The following NXPE2 variants were observed in gnomAD, a reference collection of about 807,000 sequenced individuals.
NXPE2 encodes neurexophilin and PC-esterase domain family member 2, also known as NXPE family member 2.
Under a neutral mutation model 34.4 loss-of-function variants are expected in NXPE2, and 34 were observed. The observed-to-expected ratio is 0.99, with a 90% confidence interval of 0.75 to 1.31. NXPE2 has a LOEUF of 1.31. NXPE2 is among the 40% of genes most tolerant of loss of function. The pLI is 0.00. For synonymous variants in NXPE2, 235 were observed against 231.3 expected, an observed-to-expected ratio of 1.02 and a Z score of -0.15; for missense variants, 649 against 672.5, an observed-to-expected ratio of 0.97 and a Z score of 0.39.
At chr11:114,625,126 C>T in the NXPE2 span, among the ~76,000 whole-genome samples, 2 of 152,156 alleles carry the variant, frequency 1.3e-5, no homozygotes, top group African/African-American at 4.8e-5. Context: ...TGGGTAACCA[C>T]TTCTAATGAC....
chr11:114,595,458 C>T, the NXPE2 span: 1 of 152,250 alleles, frequency 6.6e-6, no homozygotes, highest in East Asian at 1.9e-4. Flanking sequence ...TTCCATCCCT[C>T]AAAATTTACC....
At chr11:114,547,112 T>C in the NXPE2 span, among the ~76,000 whole-genome samples, 8 of 152,210 alleles carry the variant, frequency 5.3e-5, no homozygotes, top group African/African-American at 1.9e-4. Context: ...GTGACCTCTT[T>C]TGAAAGAGTA....
At chr11:114,497,678 A>G in the NXPE2 span, among the ~76,000 whole-genome samples, 1 of 152,208 alleles carries the variant, frequency 6.6e-6, no homozygotes, top group South Asian at 2.1e-4. Context: ...TACAACAACA[A>G]CATTGCTTGA....
chr11:114,664,175 G>A, the NXPE2 span, among the ~76,000 whole-genome samples: 1 of 152,184 alleles, frequency 6.6e-6, no homozygotes, highest in East Asian at 1.9e-4. Context: ...ACTGCTGAAT[G>A]CTGTAATTCA....
At chr11:114,616,669 C>T in the NXPE2 span, among the ~76,000 whole-genome samples, 2 of 151,272 alleles carry the variant, frequency 1.3e-5, no homozygotes, top group South Asian at 2.1e-4. Context: ...CACTGTTACC[C>T]GTTGGATAAT....
At chr11:114,652,524 A>C in the NXPE2 span, among the ~76,000 whole-genome samples, 1 of 152,222 alleles carries the variant, frequency 6.6e-6, no homozygotes, top group African/African-American at 2.4e-5. Flanking sequence ...TTCATCTCTA[A>C]GGGCTGTTTT....
At chr11:114,578,761 T>C in the NXPE2 span, among the ~76,000 whole-genome samples, 1 of 152,166 alleles carries the variant, frequency 6.6e-6, no homozygotes, top group African/African-American at 2.4e-5. Flanking sequence ...TAAGGTCTAC[T>C]AGCAAATTCT....
chr11:114,590,133 AAGGACCTCTCTG>A, the NXPE2 span, among the ~76,000 whole-genome samples: 1 of 152,196 alleles, frequency 6.6e-6, no homozygotes, highest in Non-Finnish European at 1.5e-5. Flanking sequence ...GGCATTGTCA[AAGGACCTCTCTG>A]AGTTTTCCCA....
chr11:114,576,992 CAT>C, the NXPE2 span, among the ~76,000 whole-genome samples: 37 of 88,982 alleles, frequency 4.2e-4, no homozygotes, highest in African/African-American at 8.8e-4. Context: ...TATATATATA[CAT>C]ATATATATAT....
the NXPE2 span, among the ~76,000 whole-genome samples, chr11:114,550,855 A>C: frequency 1.3e-5 from 2 of 152,200 alleles, no homozygotes. Context: ...AGCTTTAACA[A>C]GGGCCATTTT....
the NXPE2 span, among the ~76,000 whole-genome samples, chr11:114,669,369 T>C: frequency 1.3e-5 from 2 of 152,060 alleles, no homozygotes; most frequent in East Asian, 3.9e-4. Context: ...AAAGCTCTAC[T>C]CTGGCAGGTG....
the NXPE2 span, among the ~76,000 whole-genome samples, chr11:114,805,205 TA>T: frequency 0.01 from 1,523 of 148,998 alleles, 7 homozygotes; most frequent in Non-Finnish European, 0.014. Context: ...TTTTTTTTTT[TA>T]AAAAAGGTAG....
chr11:114,540,620 C>A, the NXPE2 span, among the ~76,000 whole-genome samples: 1 of 151,808 alleles, frequency 6.6e-6, no homozygotes, highest in South Asian at 2.1e-4. Flanking sequence ...GACCAAGTAA[C>A]TTGTGACTCT....
chr11:114,639,820 TATA>T, the NXPE2 span, among the ~76,000 whole-genome samples: 1 of 117,878 alleles, frequency 8.5e-6, no homozygotes, highest in African/African-American at 3.4e-5. Context: ...TAATATAAAA[TATA>T]ATATATATTA....
the NXPE2 span, among the ~76,000 whole-genome samples, chr11:114,783,593 G>A: frequency 2.0e-5 from 3 of 152,176 alleles, no homozygotes; most frequent in Non-Finnish European, 2.9e-5. Flanking sequence ...AAGACAATTA[G>A]CAAGAAAGAC....
chr11:114,593,402 G>C, the NXPE2 span, among the ~76,000 whole-genome samples: 1 of 152,016 alleles, frequency 6.6e-6, no homozygotes, highest in African/African-American at 2.4e-5. Context: ...ATATGCAAAT[G>C]GCAAACAAGT....
At chr11:114,769,521 T>C in the NXPE2 span, among the ~76,000 whole-genome samples, 1 of 152,176 alleles carries the variant, frequency 6.6e-6, no homozygotes, top group Non-Finnish European at 1.5e-5. Flanking sequence ...TGTATGTTTA[T>C]TGCAACACTG....
the NXPE2 span, among the ~76,000 whole-genome samples, chr11:114,520,587 T>TA: frequency 6.6e-6 from 1 of 152,236 alleles, no homozygotes; most frequent in Admixed American, 6.5e-5. Context: ...AGAATGCAGA[T>TA]ATCTCTATGA....
chr11:114,736,654 C>T, the NXPE2 span, among the ~76,000 whole-genome samples: 5 of 151,348 alleles, frequency 3.3e-5, no homozygotes, highest in East Asian at 1.9e-4. Flanking sequence ...TCCTCCTCAG[C>T]TTACAAGATG....
Sources: allele counts gnomAD v4.1 joint callset (sites outside exome capture counted in the v4.1 genomes callset), GRCh38; gene constraint gnomAD v4.1.1; transcripts MANE v1.5; gene names NCBI Gene and HGNC (gene_info 2026-07-23, HGNC 2026-07-21).